TRAPPC3: variants seen among roughly 807,000 people sequenced by gnomAD.
TRAPPC3 encodes trafficking protein particle complex subunit 3.
A neutral mutation model predicts 18.2 loss-of-function variants in TRAPPC3; 5 were observed. The observed-to-expected ratio is 0.28, with a 90% confidence interval of 0.14 to 0.58. TRAPPC3 has a LOEUF of 0.58. Among genes scored for constraint, TRAPPC3 ranks in the 20% least tolerant of loss-of-function variants. The probability of loss-of-function intolerance (pLI) is 0.91; values close to 1 mark genes in which losing one functional copy is unlikely to be tolerated. For missense variants in TRAPPC3, 176 were observed against 225.9 expected (o/e 0.78, Z 1.41); for synonymous variants, 65 against 84.2 (o/e 0.77, Z 1.25).
chr1:36,142,335 G>A (rs1020788596), intron 1 of TRAPPC3, among the ~76,000 whole-genome samples: 2 of 152,150 alleles, frequency 1.3e-5, no homozygotes, highest in African/African-American at 4.8e-5. Flanking sequence ...AATGGTTTGA[G>A]CATGAATGGA....
upstream of TRAPPC3, among the ~76,000 whole-genome samples, chr1:36,152,295 CTTTT>C (rs11364641): frequency 3.0e-5 from 4 of 135,576 alleles, no homozygotes; most frequent in African/African-American, 5.5e-5. Flanking sequence ...ATTTCTTTTT[CTTTT>C]TTTTTTTTTT....
At chr1:36,137,698 G>T (rs1369497273) in intron 4 of TRAPPC3, 98 bp downstream of exon 4, 1 of 1,312,974 alleles carries the variant, frequency 7.6e-7, no homozygotes, top group South Asian at 1.4e-5. Flanking sequence ...GCGCTGGGGT[G>T]AGCCAAAGCC....
intron 4 of TRAPPC3, 21 bp downstream of exon 4, chr1:36,137,775 A>C: frequency 6.2e-7 from 1 of 1,605,968 alleles, no homozygotes; most frequent in Non-Finnish European, 8.5e-7. Context: ...GGTGTCCCAG[A>C]AGATAAAGAG....
intron 1 of TRAPPC3, among the ~76,000 whole-genome samples, chr1:36,147,583 G>A (rs1008542403): frequency 6.6e-6 from 1 of 151,972 alleles, no homozygotes; most frequent in African/African-American, 2.4e-5. Flanking sequence ...GGTCAGGCTG[G>A]ATGAGCCTCA....
chr1:36,149,810 G>A (rs2231306), upstream of TRAPPC3, among the ~76,000 whole-genome samples: 1,861 of 152,244 alleles, frequency 0.012, 148 homozygotes, highest in Admixed American at 0.11. Context: ...CTCTCTCGCC[G>A]GGGTTGGTCT....
upstream of TRAPPC3, among the ~76,000 whole-genome samples, chr1:36,150,559 C>T (rs746949767): frequency 1.3e-5 from 2 of 152,214 alleles, no homozygotes; most frequent in Non-Finnish European, 2.9e-5. Context: ...GACAACCAGC[C>T]TGTCCAGACA....
rs1644035721 is a variant in TRAPPC3, at chr1:36,137,085, T to C, written c.*118A>G. The C allele has an allele frequency of 1.6e-6, 2 of 1,231,600 alleles. No homozygotes were observed. The highest frequency in any genetic ancestry group is 3.0e-5 in the African/African-American group (2 of 66,848). 76.3% of individuals were successfully genotyped at this position (1,231,600 alleles called of 1,614,324 possible). On this transcript the variant is annotated 3_prime_UTR_variant, in exon 5 of 5. Transcript: ENST00000373166. ...ATTTGAATGGAGAATGGAAACAGGT[T>C]ATAAGAATATATAACATCCATGTTC... is the stretch of plus-strand genomic sequence containing the variant.
Position 36,149,062 on chromosome 1 carries a change from AG to A in TRAPPC3, c.42+274del, listed in dbSNP as rs199738191. 28 of 1,282,894 alleles carry A rather than the reference AG, an allele frequency of 2.2e-5. No homozygotes were observed. The African/African-American group carries it at 6.8e-4, about 31-fold the overall frequency. 79.5% of individuals were successfully genotyped at this position (1,282,894 alleles called of 1,614,324 possible). ...GGTGCCCAACACATAGTAAGAGAGA[AG>A]TTAAGTGGCAGTTATTGGTATTTAT... On this transcript the variant is annotated intron_variant, in intron 1 of 4. Transcript: ENST00000373166.
At chr1:36,145,020 CT>C (rs962718187) in intron 1 of TRAPPC3, among the ~76,000 whole-genome samples, 2 of 151,694 alleles carry the variant, frequency 1.3e-5, no homozygotes, top group South Asian at 2.1e-4. Flanking sequence ...GGAGGCTGAT[CT>C]TTTTTTTCTT....
Position 36,149,463 on chromosome 1 carries a change from C to A in TRAPPC3, c.-85G>T. On this transcript the variant is annotated 5_prime_UTR_variant, in exon 1 of 5. Coordinates refer to ENST00000373166, the MANE Select transcript of TRAPPC3 (RefSeq NM_014408.5). ...CGCCGGAGCCTAAGCCGCTGCCCCT[C>A]AGCCCACAAGACCGACCGGCACTGA... 6.4e-7 allele frequency: 1 copy of A among 1,553,970 alleles called. No homozygotes were observed. The highest frequency in any genetic ancestry group is 8.7e-7 in the Non-Finnish European group (1 of 1,143,960).
intron 1 of TRAPPC3, 157 bp downstream of exon 1, chr1:36,149,180 T>A: frequency 4.8e-6 from 7 of 1,461,646 alleles, no homozygotes; most frequent in East Asian, 5.2e-5. Context: ...TCCCCTCACC[T>A]GCCTGGAACG....
chr1:36,145,651 T>G (rs1267931235), intron 1 of TRAPPC3, among the ~76,000 whole-genome samples: 1 of 152,178 alleles, frequency 6.6e-6, no homozygotes, highest in African/African-American at 2.4e-5. Context: ...TAATAACACA[T>G]CTAGAGGACA....
At chr1:36,142,792 G>A (rs1257640417) in intron 1 of TRAPPC3, among the ~76,000 whole-genome samples, 1 of 152,176 alleles carries the variant, frequency 6.6e-6, no homozygotes, top group Non-Finnish European at 1.5e-5. Flanking sequence ...CACTTTGGGA[G>A]GCTGAGGCAG....
Position 36,145,029 on chromosome 1 carries a change from C to CT in TRAPPC3, c.42+4307dup, listed in dbSNP as rs377064791. Among the ~76,000 whole-genome samples, 866 of 148,684 alleles carry CT rather than the reference C, an allele frequency of 5.8e-3. 4 individuals carry two copies. Among genetic ancestry groups the CT allele is most frequent in the African/African-American group, 0.02 (809 of 40,624 alleles). Reference sequence around the variant, plus strand: ...CCTTAAGGAGGCTGATCTTTTTTTTCTTTTTTTTTTGAGACGGAGTCTCGC... The same window carrying CT: ...CCTTAAGGAGGCTGATCTTTTTTTTCTTTTTTTTTTTGAGACGGAGTCTCGC... On this transcript the variant is annotated intron_variant, in intron 1 of 4. Transcript: ENST00000373166.
intron 1 of TRAPPC3, among the ~76,000 whole-genome samples, chr1:36,144,737 ACT>A (rs1485384905): frequency 6.6e-6 from 1 of 152,242 alleles, no homozygotes; most frequent in East Asian, 1.9e-4. Context: ...CAATCTTCTA[ACT>A]CAAAAAAAGT....
At chr1:36,138,769 G>A (rs752684484) in intron 3 of TRAPPC3, among the ~76,000 whole-genome samples, 3 of 152,026 alleles carry the variant, frequency 2.0e-5, no homozygotes, top group East Asian at 1.9e-4. Context: ...AGTGGCTCAC[G>A]CTTGTAATCC....
At chr1:36,143,079 C>T (rs1432725941) in intron 1 of TRAPPC3, among the ~76,000 whole-genome samples, 1 of 151,982 alleles carries the variant, frequency 6.6e-6, no homozygotes, top group Non-Finnish European at 1.5e-5. Flanking sequence ...TAGGAATGGG[C>T]TATAGTATAA....
chr1:36,151,446 T>A (rs1342570867), upstream of TRAPPC3, among the ~76,000 whole-genome samples: 3 of 151,770 alleles, frequency 2.0e-5, no homozygotes, highest in East Asian at 1.9e-4. Flanking sequence ...AAATAAAAAT[T>A]AAAAAAAACA....
intron 3 of TRAPPC3, among the ~76,000 whole-genome samples, chr1:36,138,984 C>T (rs758144312): frequency 2.3e-4 from 33 of 142,702 alleles, no homozygotes; most frequent in African/African-American, 7.3e-4. Context: ...TGTGGTGAGC[C>T]GAGATCACAC....
Sources: allele counts gnomAD v4.1 joint callset (sites outside exome capture counted in the v4.1 genomes callset), GRCh38; gene constraint gnomAD v4.1.1; transcripts MANE v1.5; gene names NCBI Gene and HGNC (gene_info 2026-07-23, HGNC 2026-07-21).